Variants in TTC34 observed in about 807,000 individuals in gnomAD.
The protein encoded by TTC34 is tetratricopeptide repeat domain 34.
A neutral mutation model predicts 40.7 loss-of-function variants in TTC34; 44 were observed. The ratio of observed to expected loss-of-function variants is 1.08; its 90% confidence interval spans 0.85 to 1.39. The LOEUF (loss-of-function observed/expected upper bound fraction) is 1.39, where lower values mean the gene tolerates loss of function less well. Among genes scored for constraint, TTC34 ranks in the 40% most tolerant of loss-of-function variants. The pLI, the probability that TTC34 is intolerant of heterozygous loss-of-function variation, is 0.00. For missense variants in TTC34, 884 were observed against 838.0 expected, an observed-to-expected ratio of 1.05 and a Z score of -0.68; for synonymous variants, 422 against 398.6, an observed-to-expected ratio of 1.06 and a Z score of -0.70.
chr1:2,684,636 C>A (rs1253158619), intron 6 of TTC34, among the ~76,000 whole-genome samples: 3 of 132,952 alleles, frequency 2.3e-5, no homozygotes, highest in Admixed American at 1.5e-4. Context: ...GGCATCCTCA[C>A]CTCCAGGTGA....
chr1:2,692,583 A>T (rs1355422582), intron 6 of TTC34, among the ~76,000 whole-genome samples: 2 of 145,800 alleles, frequency 1.4e-5, no homozygotes, highest in African/African-American at 5.3e-5. Context: ...CAGCACCCAC[A>T]CCCCCATGTG....
chr1:2,779,091 C>A (rs528187907), intron 6 of TTC34, among the ~76,000 whole-genome samples: 4 of 152,276 alleles, frequency 2.6e-5, no homozygotes, highest in African/African-American at 9.6e-5. Context: ...GTAGTGTGTA[C>A]CAGGAATCCC....
exon 2 of TTC34, chr1:2,800,223 C>T: frequency 5.0e-6 from 2 of 398,520 alleles, no homozygotes; most frequent in East Asian, 7.1e-5. Context: ...GGCACTGTGC[C>T]CAGCCTCCGG....
chr1:2,657,466 G>T (rs1439317502), intron 6 of TTC34, among the ~76,000 whole-genome samples: 1 of 91,320 alleles, frequency 1.1e-5, no homozygotes, highest in East Asian at 2.5e-4. Flanking sequence ...CACGCCCCCA[G>T]GCGAGCATCT....
intron 6 of TTC34, among the ~76,000 whole-genome samples, chr1:2,683,857 T>G (rs2100327220): frequency 6.6e-6 from 1 of 150,716 alleles, no homozygotes; most frequent in East Asian, 2.0e-4. Context: ...TCCGACAGCC[T>G]GGAGCAGAAC....
At chr1:2,749,376 C>CCACATGGCCACGTGCGCCT (rs1641243204) in intron 6 of TTC34, among the ~76,000 whole-genome samples, 5 of 7,216 alleles carry the variant, frequency 6.9e-4, no homozygotes, top group Middle Eastern at 0.083. Flanking sequence ...CAGGTGAGAC[C>CCACATGGCCACGTGCGCCT]CTGACAGCCT....
intron 6 of TTC34, chr1:2,775,252 T>A (rs1447901946): frequency 6.7e-6 from 1 of 149,356 alleles, no homozygotes; most frequent in African/African-American, 2.5e-5. Flanking sequence ...TCTGACTGTA[T>A]GGAATGACAT....
intron 8 of TTC34, among the ~76,000 whole-genome samples, chr1:2,643,158 C>G (rs1355088994): frequency 2.0e-5 from 3 of 152,186 alleles, no homozygotes; most frequent in Non-Finnish European, 1.5e-5. Flanking sequence ...GGCGCTCAAT[C>G]CGACCCCAGA....
rs547935775 is a variant in TTC34 at position 2,700,292 on chromosome 1, C to A, written c.2227-54729G>T. ...GCGATAGCCTGGAGCAGCACCCACA[C>A]CCCCAGGTGAGCATCCGACAGTCTG... On this transcript the variant is annotated intron_variant, in intron 6 of 8. Transcript: ENST00000401095. Among the ~76,000 whole-genome samples, 3 of 104,336 alleles carry A rather than the reference C, an allele frequency of 2.9e-5. No homozygotes were observed. In the East Asian group the frequency reaches 9.1e-4, roughly 32 times the overall value. 68.4% of individuals were successfully genotyped at this position (104,336 alleles called of 152,430 possible).
chr1:2,675,302 G>T (rs1639864301), intron 6 of TTC34, among the ~76,000 whole-genome samples: 1 of 135,906 alleles, frequency 7.4e-6, no homozygotes, highest in Non-Finnish European at 1.6e-5. Context: ...GCATCTGACA[G>T]CCTGGAACAG....
chr1:2,698,556 C>A (rs1640974944), intron 6 of TTC34, among the ~76,000 whole-genome samples: 1 of 113,948 alleles, frequency 8.8e-6, no homozygotes. Context: ...CAGCCTGGAG[C>A]AGCACCCACA....
intron 6 of TTC34, among the ~76,000 whole-genome samples, chr1:2,773,104 GCGAGCA>G (rs1642551378): frequency 1.5e-5 from 2 of 134,182 alleles, no homozygotes; most frequent in Admixed American, 1.5e-4. Flanking sequence ...ACACCCCCAG[GCGAGCA>G]TCTGACAGCC....
exon 9 of TTC34, chr1:2,641,590 C>T: frequency 6.5e-7 from 1 of 1,533,368 alleles, no homozygotes. Context: ...AGGAGGGCGC[C>T]AGCTTCAGGG....
At chr1:2,653,689 C>T (rs374270739) in intron 6 of TTC34, among the ~76,000 whole-genome samples, 3 of 6,490 alleles carry the variant, frequency 4.6e-4, no homozygotes, top group Admixed American at 2.1e-3. Flanking sequence ...AGCACCCACA[C>T]CCCCAGGTGA....
At position 2,751,116 on chromosome 1, in the gene TTC34, A is replaced by G. The variant is rs1459191290; in HGVS notation, c.2226+32493T>C. On this transcript the variant is annotated intron_variant, in intron 6 of 8. Transcript: ENST00000401095. The stretch of plus-strand genomic sequence containing the variant: ...AGCTGAGCCTCTGACAGCCTGGAAC[A>G]GCACCCTGTACCCCCAGGGGAGCAT... Among the ~76,000 whole-genome samples the G allele has an allele frequency of 1.8e-4, 16 of 91,344 alleles. 6 individuals carry two copies. The highest frequency in any genetic ancestry group is 8.3e-4 in the African/African-American group (16 of 19,176). 59.9% of individuals were successfully genotyped at this position (91,344 alleles called of 152,430 possible).
intron 6 of TTC34, among the ~76,000 whole-genome samples, chr1:2,751,560 A>G (rs1162318563): frequency 1.0e-5 from 1 of 95,500 alleles, no homozygotes; most frequent in Non-Finnish European, 2.0e-5. Context: ...CTGCAACAGC[A>G]CGCACACCCC....
chr1:2,780,301 A>G (rs1643461471), intron 6 of TTC34, among the ~76,000 whole-genome samples: 1 of 152,068 alleles, frequency 6.6e-6, no homozygotes. Flanking sequence ...TTTTCATGAA[A>G]TCCAACTTTA....
chr1:2,687,234 A>G (rs540828408), intron 6 of TTC34, among the ~76,000 whole-genome samples: 447 of 139,976 alleles, frequency 3.2e-3, no homozygotes, highest in Middle Eastern at 0.018. Context: ...AGCCTGGAGC[A>G]GCACCCACAC....
intron 6 of TTC34, among the ~76,000 whole-genome samples, chr1:2,753,371 C>G (rs1455648433): frequency 5.9e-5 from 7 of 119,076 alleles, no homozygotes; most frequent in Non-Finnish European, 1.2e-4. Context: ...GAACAGCACC[C>G]ACACCCCCAG....
Sources: allele counts gnomAD v4.1 joint callset (sites outside exome capture counted in the v4.1 genomes callset), GRCh38; gene constraint gnomAD v4.1.1; transcripts MANE v1.5; gene names NCBI Gene and HGNC (gene_info 2026-07-23, HGNC 2026-07-21).